Variants in PAH observed in about 807,000 individuals in gnomAD.
PAH encodes phenylalanine-4-hydroxylase.
PAH carries 64 observed loss-of-function variants against 62.0 expected under a neutral mutation model. The observed-to-expected ratio is 1.03, with a 90% CI of 0.84 to 1.27. The LOEUF (loss-of-function observed/expected upper bound fraction) is 1.27, where lower values mean the gene tolerates loss of function less well. Ranked by LOEUF, PAH falls within the 50% of genes most tolerant of loss-of-function variation. PAH has a pLI of 0.00. For synonymous variants in PAH, 195 were observed against 196.2 expected (o/e 0.99, Z 0.05); for missense variants, 579 against 542.8 (o/e 1.07, Z -0.66).
intron 8 of PAH, among the ~76,000 whole-genome samples, chr12:102,849,269 T>C (rs1192248003): frequency 6.6e-6 from 1 of 152,180 alleles, no homozygotes; most frequent in Admixed American, 6.5e-5. Flanking sequence ...GGAATTCCTA[T>C]GAACTGATAA....
chr12:102,927,965 A>T lies in PAH; in HGVS notation c.-95-10740T>A, dbSNP rs576239391. Among the ~76,000 whole-genome samples, 4 of 152,318 alleles carry T rather than the reference A, an allele frequency of 2.6e-5. 1 individual carries two copies. The South Asian group carries it at 8.3e-4, about 32-fold the overall frequency. On this transcript the variant is annotated intron_variant, in intron 1 of 3. Coordinates refer to the PAH transcript ENST00000546844. ...GAAAATATAGTTTGCCTAAAACTAT[A>T]TTGGATTTCTAGTTGAACATAAATG...
At chr12:102,920,576 A>C (rs1878525953), upstream of PAH, among the ~76,000 whole-genome samples, 1 of 152,228 alleles carries the variant, frequency 6.6e-6, no homozygotes, top group Non-Finnish European at 1.5e-5. Flanking sequence ...GCACAGAAAC[A>C]AAACCTACAT....
At chr12:102,890,975 C>T (rs1877253881) in intron 3 of PAH, among the ~76,000 whole-genome samples, 1 of 151,964 alleles carries the variant, frequency 6.6e-6, no homozygotes. Flanking sequence ...CTCAGCTACT[C>T]GGGGAGGCTG....
intron 6 of PAH, 158 bp downstream of exon 6, chr12:102,854,978 A>G (rs753817350): frequency 5.6e-6 from 4 of 711,248 alleles, no homozygotes; most frequent in Non-Finnish European, 1.0e-5. Context: ...GGCAGAGCAC[A>G]GTGAAATTTA....
Position 102,957,953 on chromosome 12 carries a change from C to T in PAH, c.-96+242G>A. On this transcript the variant is annotated intron_variant, in intron 1 of 4. Coordinates refer to the PAH transcript ENST00000551337. The surrounding 1 kb of genome is among the most constrained non-coding windows in gnomAD (Gnocchi z 4.1). The stretch of plus-strand genomic sequence containing the variant: ...AGAAGGCGCCAGCGGCAGCCTCACA[C>T]GCGAGCGCCACGCGAGGCTCCCGAA... 2 of 309,332 alleles carry T rather than the reference C, an allele frequency of 6.5e-6. No homozygotes were observed. Among genetic ancestry groups the T allele is most frequent in the Non-Finnish European group, 5.9e-6 (1 of 170,088 alleles). 19.2% of individuals were successfully genotyped at this position (309,332 alleles called of 1,614,324 possible).
chr12:102,849,615 A>G (rs1875060261), intron 8 of PAH, among the ~76,000 whole-genome samples: 1 of 152,218 alleles, frequency 6.6e-6, no homozygotes, highest in Non-Finnish European at 1.5e-5. Context: ...CCTGGTTCAG[A>G]TTAGGCTTAT....
chr12:102,947,258 G>A (rs975223352), intron 1 of PAH, among the ~76,000 whole-genome samples: 1 of 152,000 alleles, frequency 6.6e-6, no homozygotes, highest in Non-Finnish European at 1.5e-5. Flanking sequence ...TGAGAGAGTG[G>A]TGAGAGTATG....
intron 1 of PAH, among the ~76,000 whole-genome samples, chr12:102,944,848 G>A (rs886243722): frequency 6.6e-6 from 1 of 152,164 alleles, no homozygotes; most frequent in African/African-American, 2.4e-5. Context: ...TGAAGAGTTA[G>A]TGTTTTATAT....
rs77118323 is a variant in PAH at position 102,856,212 on chromosome 12, C to G, written c.510-880G>C. Among the ~76,000 whole-genome samples the G allele has an allele frequency of 9.9e-3, 1,500 of 152,180 alleles. 16 individuals are homozygous for G. Among genetic ancestry groups the G allele is most frequent in the African/African-American group, 0.033 (1,381 of 41,498 alleles). On this transcript the variant is annotated intron_variant, in intron 5 of 12. Transcript: ENST00000553106. ...CACTGAGCTTGTTCAAGTACATATG[C>G]CAGGCCGCATAGATCCTGAATCTCT...
At chr12:102,895,869 A>ATATATATATATATATATATAT (rs1555208129) in intron 2 of PAH, among the ~76,000 whole-genome samples, 2 of 118,740 alleles carry the variant, frequency 1.7e-5, no homozygotes, top group African/African-American at 7.1e-5. Context: ...AAAAAAAAAA[A>ATATATATATATATATATATAT]ATATATATAT....
Position 102,926,164 on chromosome 12 carries a change from C to T in PAH, c.-95-8939G>A, listed in dbSNP as rs544117291. Among the ~76,000 whole-genome samples the T allele has an allele frequency of 2.2e-4, 33 of 152,116 alleles. No homozygotes were observed. The South Asian group carries it at 6.2e-3, about 29-fold the overall frequency. ...CAAAAAAGGCAAGATAAACTCAGTA[C>T]TTACAGTGACCAAGAAGACACTGAG... On this transcript the variant is annotated intron_variant, in intron 1 of 3. Coordinates refer to the PAH transcript ENST00000546844.
intron 1 of PAH, among the ~76,000 whole-genome samples, chr12:102,944,754 T>A (rs1267863374): frequency 6.6e-6 from 1 of 152,200 alleles, no homozygotes; most frequent in East Asian, 1.9e-4. Context: ...TGGTTCCTGG[T>A]GTCTTATTTA....
chr12:102,847,601 G>A (rs1366310340), intron 8 of PAH, among the ~76,000 whole-genome samples: 1 of 152,194 alleles, frequency 6.6e-6, no homozygotes, highest in Non-Finnish European at 1.5e-5. Flanking sequence ...CATCTTGTGA[G>A]TTTTAGTGGA....
At chr12:102,917,794 A>G (rs768251484), upstream of PAH, among the ~76,000 whole-genome samples, 22 of 152,248 alleles carry the variant, frequency 1.4e-4, no homozygotes, top group Non-Finnish European at 2.5e-4. Flanking sequence ...TTCTCCAGCT[A>G]TTCGCACAAC....
At chr12:102,859,457 C>T (rs1250772616) in intron 5 of PAH, among the ~76,000 whole-genome samples, 3 of 152,158 alleles carry the variant, frequency 2.0e-5, no homozygotes, top group South Asian at 2.1e-4. Context: ...AGAGGGAATC[C>T]TCCCTAACTC....
Position 102,894,739 on chromosome 12 carries a change from GTCTT to G in PAH, c.344_347del (p.Lys115ThrfsTer79), listed in dbSNP as rs199475648. On this transcript the variant is annotated frameshift_variant, in exon 3 of 13. Transcript: ENST00000553106. LOFTEE classifies it high-confidence loss of function. ...CAAAATTCCTCTAATTCTTACCTGT[GTCTT>G]TCTTCTTATCTCGTGAAAGCTCATG... The G allele has an allele frequency of 3.1e-6, 5 of 1,613,610 alleles. No homozygotes were observed. In the East Asian group the frequency reaches 6.7e-5, roughly 22 times the overall value.
At chr12:102,869,249 T>C (rs933430130) in intron 4 of PAH, among the ~76,000 whole-genome samples, 1 of 152,236 alleles carries the variant, frequency 6.6e-6, no homozygotes, top group Admixed American at 6.5e-5. Context: ...GATTTTCTAC[T>C]TGTGAAAATA....
At chr12:102,904,753 C>T (rs369524228) in intron 2 of PAH, 17 of 512,594 alleles carry the variant, frequency 3.3e-5, no homozygotes, top group Non-Finnish European at 5.1e-5. Flanking sequence ...GTATTTTCAT[C>T]TATGGCTTGC....
At chr12:102,881,271 C>G (rs1876802388) in intron 3 of PAH, among the ~76,000 whole-genome samples, 1 of 151,196 alleles carries the variant, frequency 6.6e-6, no homozygotes, top group Non-Finnish European at 1.5e-5. Flanking sequence ...CTCGGCCTCC[C>G]AAAGTTCTGG....
Sources: gnomAD v4.1 joint callset for allele counts (sites outside exome capture counted in the v4.1 genomes callset) on GRCh38, gnomAD v4.1.1 for gene constraint, Gnocchi (gnomAD v3.1) non-coding constraint, MANE v1.5 for transcripts, NCBI Gene and HGNC (gene_info 2026-07-23, HGNC 2026-07-21) for gene names.